NAV2: variants seen among roughly 807,000 people sequenced by gnomAD.
NAV2 encodes the protein helicase, APC down-regulated 1.
Under a neutral mutation model 223.2 loss-of-function variants are expected in NAV2, and 54 were observed. The observed-to-expected ratio is 0.24, with a 90% CI of 0.19 to 0.30. The LOEUF is 0.30. Among genes scored for constraint, NAV2 ranks in the 10% least tolerant of loss-of-function variants. The pLI, the probability that NAV2 is intolerant of heterozygous loss-of-function variation, is 1.00. For synonymous variants in NAV2, 1,279 were observed against 1,239.3 expected (o/e 1.03, Z -0.67); for missense variants, 2,806 against 3,147.5 (o/e 0.89, Z 2.60).
intron 1 of NAV2, among the ~76,000 whole-genome samples, chr11:19,695,133 C>T (rs973106371): frequency 1.3e-5 from 2 of 152,222 alleles, no homozygotes; most frequent in Admixed American, 6.5e-5. Context: ...ACTGCTGCCT[C>T]TTTGCTCACT....
intron 1 of NAV2, among the ~76,000 whole-genome samples, chr11:19,557,425 T>C (rs1049856452): frequency 6.6e-6 from 1 of 152,270 alleles, no homozygotes; most frequent in African/African-American, 2.4e-5. Context: ...TTAGCCACTG[T>C]GAAGTAATCT....
At chr11:19,995,951 A>C (rs1022088237) in intron 11 of NAV2, among the ~76,000 whole-genome samples, 1 of 152,132 alleles carries the variant, frequency 6.6e-6, no homozygotes, top group African/African-American at 2.4e-5. Flanking sequence ...GAGAATGGGC[A>C]ATGTCAGGTC....
chr11:19,958,167 G>C (rs1456506391), intron 10 of NAV2, among the ~76,000 whole-genome samples: 2 of 152,182 alleles, frequency 1.3e-5, no homozygotes, highest in South Asian at 2.1e-4. Context: ...TCCTCCCATA[G>C]CTTTCCAAAG....
At chr11:20,043,273 G>A (rs2057112200) in intron 12 of NAV2, among the ~76,000 whole-genome samples, 1 of 152,180 alleles carries the variant, frequency 6.6e-6, no homozygotes, top group Non-Finnish European at 1.5e-5. Flanking sequence ...GAGACTGGAT[G>A]CTGGTTAGAG....
chr11:19,709,171 CCG>C (rs769395003), upstream of NAV2, among the ~76,000 whole-genome samples: 5 of 124,296 alleles, frequency 4.0e-5, no homozygotes, highest in African/African-American at 6.2e-5. Context: ...TAGCTTCCCC[CCG>C]CCCCACCCTT....
chr11:19,608,540 T>A (rs1160413684), intron 1 of NAV2, among the ~76,000 whole-genome samples: 1 of 152,266 alleles, frequency 6.6e-6, no homozygotes, highest in East Asian at 1.9e-4. Context: ...TTTATTTATT[T>A]TGTGGAAACT....
intron 1 of NAV2, among the ~76,000 whole-genome samples, chr11:19,610,701 G>T (rs900025483): frequency 6.6e-6 from 1 of 151,078 alleles, no homozygotes; most frequent in African/African-American, 2.4e-5. Flanking sequence ...TGGATAAGTA[G>T]ATGGATGGAT....
rs2045580047 is a variant in NAV2, at chr11:19,576,694, A to G, written c.75+225667A>G. ...CTGCTGCTCCCAAAGAGAGCTCTTA[A>G]ACCTAATTCTGTATGGTCCTTTTCA... On this transcript the variant is annotated intron_variant, in intron 1 of 37. Coordinates refer to the NAV2 transcript ENST00000360655. Among the ~76,000 whole-genome samples the G allele has an allele frequency of 2.6e-5, 4 of 152,320 alleles. No individual in the cohort carries two copies. The South Asian group carries it at 8.3e-4, about 32-fold the overall frequency.
At chr11:19,480,998 A>T (rs1394076470) in intron 1 of NAV2, among the ~76,000 whole-genome samples, 2 of 152,196 alleles carry the variant, frequency 1.3e-5, no homozygotes, top group Non-Finnish European at 2.9e-5. Flanking sequence ...GGCTGAGCAG[A>T]TGGCCTTCGT....
At chr11:19,396,653 G>T (rs186407853) in intron 1 of NAV2, among the ~76,000 whole-genome samples, 1 of 152,176 alleles carries the variant, frequency 6.6e-6, no homozygotes, top group Non-Finnish European at 1.5e-5. Context: ...CTCTCTGCCA[G>T]TGCATCCCTT....
intron 8 of NAV2, among the ~76,000 whole-genome samples, chr11:19,941,153 T>G (rs2046367715): frequency 6.6e-6 from 1 of 152,154 alleles, no homozygotes; most frequent in African/African-American, 2.4e-5. Context: ...TTCCAAATAT[T>G]ACTTAGATTT....
At chr11:19,450,861 A>T (rs188719136) in intron 1 of NAV2, among the ~76,000 whole-genome samples, 1 of 152,102 alleles carries the variant, frequency 6.6e-6, no homozygotes, top group East Asian at 1.9e-4. Flanking sequence ...GGTGTTTCTG[A>T]AGCCTCCTCA....
intron 6 of NAV2, among the ~76,000 whole-genome samples, chr11:19,897,663 T>C (rs1270437078): frequency 1.3e-5 from 2 of 152,106 alleles, no homozygotes; most frequent in African/African-American, 4.8e-5. Flanking sequence ...AGTTCATGTA[T>C]AAAAAACAAA....
chr11:19,623,488 T>C (rs896655976), intron 1 of NAV2, among the ~76,000 whole-genome samples: 157 of 152,308 alleles, frequency 1.0e-3, no homozygotes, highest in African/African-American at 3.7e-3. Context: ...TTCTCTAAAC[T>C]TCTCTTCTCA....
At chr11:20,078,389 T>C (rs1317192090) in intron 24 of NAV2, among the ~76,000 whole-genome samples, 2 of 152,252 alleles carry the variant, frequency 1.3e-5, no homozygotes. Context: ...TTAATTTCAC[T>C]AGCACTTTGA....
intron 1 of NAV2, among the ~76,000 whole-genome samples, chr11:19,658,880 C>T (rs2048197974): frequency 6.6e-6 from 1 of 152,166 alleles, no homozygotes; most frequent in Admixed American, 6.5e-5. Context: ...ATCAAGGGTG[C>T]TCAGCTGGAG....
At chr11:19,485,031 ACTAGAGGC>A (rs2042396579) in intron 1 of NAV2, among the ~76,000 whole-genome samples, 1 of 22,952 alleles carries the variant, frequency 4.4e-5, no homozygotes, top group Non-Finnish European at 3.1e-3. Context: ...CTTCCTGTGC[ACTAGAGGC>A]CCAGAGGCCC....
In NAV2 at chr11:19,629,542, GACACAC is replaced by G. The variant is rs10604730; in HGVS notation, c.76-202910_76-202905del. Among the ~76,000 whole-genome samples the G allele has an allele frequency of 9.7e-3, 1,308 of 134,798 alleles. 19 individuals carry two copies. Among genetic ancestry groups the G allele is most frequent in the African/African-American group, 0.032 (1,202 of 37,344 alleles). The allele number at this position is 134,798 out of a possible 152,430, so 88.4% of individuals were successfully genotyped here. The stretch of plus-strand genomic sequence containing the variant: ...TCTTTCTTTTTTTCTCTCTCTCTCT[GACACAC>G]ACACACACACACACACACACACACA... On this transcript the variant is annotated intron_variant, in intron 1 of 37. Coordinates refer to the NAV2 transcript ENST00000360655.
chr11:19,804,620 CA>C (rs1231268848), intron 1 of NAV2, among the ~76,000 whole-genome samples: 11 of 152,198 alleles, frequency 7.2e-5, no homozygotes, highest in Non-Finnish European at 1.6e-4. Flanking sequence ...TGTAATCCAT[CA>C]AATCTGTCCA....
Sources: allele counts gnomAD v4.1 joint callset (sites outside exome capture counted in the v4.1 genomes callset), GRCh38; gene constraint gnomAD v4.1.1; transcripts MANE v1.5; gene names NCBI Gene and HGNC (gene_info 2026-07-23, HGNC 2026-07-21).